FNDC7: variants seen among roughly 807,000 people sequenced by gnomAD.
FNDC7 encodes fibronectin type III domain-containing protein 7.
A neutral mutation model predicts 74.2 loss-of-function variants in FNDC7; 66 were observed. The ratio of observed to expected loss-of-function variants is 0.89; its 90% confidence interval spans 0.73 to 1.09. The LOEUF is 1.09. FNDC7 is among the 50% of genes least tolerant of loss of function. The probability of loss-of-function intolerance (pLI) is 0.00; values close to 1 mark genes in which losing one functional copy is unlikely to be tolerated. For synonymous variants in FNDC7, 307 were observed against 330.2 expected (o/e 0.93, Z 0.76); for missense variants, 829 against 893.4 (o/e 0.93, Z 0.92).
chr1:108,716,169 G>C (rs1660968908), intron 2 of FNDC7, among the ~76,000 whole-genome samples: 1 of 152,174 alleles, frequency 6.6e-6, no homozygotes, highest in African/African-American at 2.4e-5. Context: ...ATTTTCCCAG[G>C]AAGTTAGTTC....
At chr1:108,726,070 A>G in intron 6 of FNDC7, 66 bp downstream of exon 6, 2 of 1,563,154 alleles carry the variant, frequency 1.3e-6, no homozygotes, top group East Asian at 4.5e-5. Context: ...AGAATGGATC[A>G]CCTATTCCAC....
rs1661659397 is a variant in FNDC7, at chr1:108,741,942, GTGA to G, written c.*57_*59del. The G allele has an allele frequency of 4.6e-6, 4 of 861,938 alleles. No individual in the cohort carries two copies. The highest frequency in any genetic ancestry group is 7.4e-6 in the Non-Finnish European group (4 of 539,034). The allele number at this position is 861,938 out of a possible 1,614,324, so 53.4% of individuals were successfully genotyped here. Reference sequence around the variant, plus strand: ...TCTTGCAGAGTTGTCTCATTTGTTAGTGATTAGAGATGGAAAAGATCTACTAGA... The same window carrying G: ...TCTTGCAGAGTTGTCTCATTTGTTAGTTAGAGATGGAAAAGATCTACTAGA... On this transcript the variant is annotated 3_prime_UTR_variant, in exon 13 of 13. Coordinates refer to ENST00000370017, the MANE Select transcript of FNDC7 (RefSeq NM_001144937.3).
rs1661254871 is a variant in FNDC7 at position 108,727,957 on chromosome 1, T to G, written c.1261T>G (p.Cys421Gly). The G allele has an allele frequency of 6.2e-7, 1 of 1,614,182 alleles. No individual in the cohort carries two copies. Among genetic ancestry groups the G allele is most frequent in the African/African-American group, 1.3e-5 (1 of 75,048 alleles). The part of the protein sequence containing the change: ...MVECNDTTPA[C>G]TLSALECDTK... ...TGAGTGCAATGACACTACTCCTGCG[T>G]GCACCCTTTCGGCTCTAGAGTGTGA... is the stretch of plus-strand genomic sequence containing the variant. Residue 421 changes from cysteine (C) to glycine (G), a missense_variant, in exon 7 of 13, where the codon TGC (cysteine) becomes GGC (glycine). Cys to Gly is a radical substitution (Grantham distance 159, BLOSUM62 -3). Coordinates refer to ENST00000370017, the MANE Select transcript of FNDC7 (RefSeq NM_001144937.3).
In FNDC7 at chr1:108,722,486, C is replaced by G; in HGVS notation, c.750C>G (p.Ser250=). ...SELTCSTTFS[S]CTISSLQCGT... ...TGACCTGCAGTACAACTTTCAGTTC[C>G]TGCACCATCTCTTCCCTCCAGTGTG... Residue 250 remains serine, a synonymous_variant, in exon 5 of 13, where the codon TCC becomes TCG. Transcript: ENST00000370017. 1 of 1,614,242 alleles carries G rather than the reference C, an allele frequency of 6.2e-7. No homozygotes were observed. Among genetic ancestry groups the G allele is most frequent in the Non-Finnish European group, 8.5e-7 (1 of 1,180,044 alleles).
chr1:108,727,512 T>C (rs1009846355), intron 6 of FNDC7, among the ~76,000 whole-genome samples: 4 of 152,028 alleles, frequency 2.6e-5, no homozygotes, highest in African/African-American at 9.7e-5. Flanking sequence ...CTTCTCTGCA[T>C]AGAGAACAAG....
intron 11 of FNDC7, among the ~76,000 whole-genome samples, chr1:108,740,137 A>T (rs111367632): frequency 6.6e-6 from 1 of 151,686 alleles, no homozygotes; most frequent in African/African-American, 2.4e-5. Flanking sequence ...CTAGGGGGAA[A>T]TTCTAAATTG....
chr1:108,736,165 C>G (rs1490055205), intron 10 of FNDC7, among the ~76,000 whole-genome samples: 3 of 152,200 alleles, frequency 2.0e-5, no homozygotes, highest in Non-Finnish European at 4.4e-5. Context: ...ACTCTATTCT[C>G]TAGTCTAGGC....
intron 11 of FNDC7, among the ~76,000 whole-genome samples, chr1:108,738,872 C>T (rs74112505): frequency 0.015 from 2,237 of 152,258 alleles, 63 homozygotes; most frequent in African/African-American, 0.051. Context: ...ACAGACTTGG[C>T]TTACTGAAAA....
Position 108,727,896 on chromosome 1 carries a change from G to A in FNDC7, c.1200G>A (p.Leu400=). ...GGTCTCCTGTCCGTGGTGCCGAACT[G>A]TATGAAACCAAGGCTGTAGATGGGT... The part of the protein sequence containing the change: ...IVWSPVRGAE[L]YETKAVDGYN... Residue 400 remains leucine, a synonymous_variant, in exon 7 of 13, where the codon CTG becomes CTA. Transcript: ENST00000370017. The A allele has an allele frequency of 6.2e-7, 1 of 1,614,196 alleles. No individual in the cohort carries two copies. Among genetic ancestry groups the A allele is most frequent in the Non-Finnish European group, 8.5e-7 (1 of 1,180,032 alleles).
intron 2 of FNDC7, among the ~76,000 whole-genome samples, chr1:108,714,378 A>C (rs183122679): frequency 1.9e-3 from 295 of 152,296 alleles, no homozygotes; most frequent in African/African-American, 6.9e-3. Flanking sequence ...TAAGTTTTTA[A>C]AAATTTCTAT....
rs1309185038 is a variant in FNDC7 at position 108,727,936 on chromosome 1, T to C, written c.1240T>C (p.Cys414Arg). ...TGTAGATGGGTACAACATGGTTGAG[T>C]GCAATGACACTACTCCTGCGTGCAC... ...KAVDGYNMVE[C>R]NDTTPACTLS... The change falls in exon 7 of 13, where the codon TGC (cysteine) becomes CGC (arginine). Residue 414 changes from cysteine (C) to arginine (R), a missense_variant. Cys to Arg is a radical substitution (Grantham distance 180, BLOSUM62 -3). Coordinates refer to ENST00000370017, the MANE Select transcript of FNDC7 (RefSeq NM_001144937.3). 1.2e-6 allele frequency: 2 copies of C among 1,613,988 alleles called. No individual in the cohort carries two copies. Among genetic ancestry groups the C allele is most frequent in the Non-Finnish European group, 8.5e-7 (1 of 1,180,012 alleles).
At chr1:108,713,135 T>C (rs907932383) in intron 1 of FNDC7, 139 bp downstream of exon 1, 36 of 712,716 alleles carry the variant, frequency 5.1e-5, no homozygotes, top group Non-Finnish European at 7.9e-5. Flanking sequence ...CGAGGTTGTA[T>C]ATGTTTGCGT....
At chr1:108,714,766 C>T (rs34261442) in intron 2 of FNDC7, among the ~76,000 whole-genome samples, 36,346 of 151,690 alleles carry the variant, frequency 0.24, 4,571 homozygotes, top group Middle Eastern at 0.29. Context: ...CCACTACCCC[C>T]GGCTAATTTT....
chr1:108,726,152 C>T, intron 6 of FNDC7, 148 bp downstream of exon 6: 2 of 1,097,424 alleles, frequency 1.8e-6, no homozygotes, highest in African/African-American at 1.6e-5. Context: ...ACATTCTTTC[C>T]AGACTAGGGA....
At chr1:108,740,071 A>G (rs1012958525) in intron 11 of FNDC7, among the ~76,000 whole-genome samples, 1 of 151,264 alleles carries the variant, frequency 6.6e-6, no homozygotes, top group Non-Finnish European at 1.5e-5. Flanking sequence ...CCCTCCAAAA[A>G]CAAGAGTAAG....
chr1:108,728,381 CTT>C (rs1380417740), intron 7 of FNDC7, among the ~76,000 whole-genome samples: 3 of 152,162 alleles, frequency 2.0e-5, no homozygotes, highest in Non-Finnish European at 4.4e-5. Context: ...AAATATGTTT[CTT>C]ACTTACTTTT....
chr1:108,728,282 G>C (rs1661265105), intron 7 of FNDC7, among the ~76,000 whole-genome samples: 1 of 152,234 alleles, frequency 6.6e-6, no homozygotes, highest in Non-Finnish European at 1.5e-5. Context: ...ACCACGGGGA[G>C]AGTAGAAGGT....
chr1:108,732,745 T>C (rs1661419633), intron 9 of FNDC7, among the ~76,000 whole-genome samples: 1 of 151,904 alleles, frequency 6.6e-6, no homozygotes, highest in Non-Finnish European at 1.5e-5. Context: ...CTTTTTTCTT[T>C]CTTTCTTTCT....
At chr1:108,727,110 G>C (rs1661236746) in intron 6 of FNDC7, among the ~76,000 whole-genome samples, 1 of 152,174 alleles carries the variant, frequency 6.6e-6, no homozygotes, top group Admixed American at 6.5e-5. Flanking sequence ...CAGATCACTT[G>C]AGGTCAGGAG....
Sources: allele counts gnomAD v4.1 joint callset (sites outside exome capture counted in the v4.1 genomes callset), GRCh38; gene constraint gnomAD v4.1.1; transcripts MANE v1.5; gene names NCBI Gene and HGNC (gene_info 2026-07-23, HGNC 2026-07-21).